Variants in GPR149 observed in about 807,000 individuals in gnomAD.
GPR149 encodes the protein probable G protein-coupled receptor 149.
A neutral mutation model predicts 50.2 loss-of-function variants in GPR149; 50 were observed. The observed-to-expected ratio is 1.00, with a 90% CI of 0.79 to 1.26. GPR149 has a LOEUF of 1.26. Among genes scored for constraint, GPR149 ranks in the 50% most tolerant of loss-of-function variants. GPR149 has a pLI of 0.00. For synonymous variants in GPR149, 405 were observed against 358.2 expected (o/e 1.13, Z -1.48); for missense variants, 983 against 895.4 (o/e 1.10, Z -1.25).
intron 3 of GPR149, among the ~76,000 whole-genome samples, chr3:154,404,328 T>C (rs2108419920): frequency 6.6e-6 from 1 of 152,332 alleles, no homozygotes; most frequent in African/African-American, 2.4e-5. Flanking sequence ...TCAGTTTAAA[T>C]CTTTTGCCCA....
chr3:154,374,458 T>A (rs549401014), intron 3 of GPR149, among the ~76,000 whole-genome samples: 1 of 151,890 alleles, frequency 6.6e-6, no homozygotes, highest in Admixed American at 6.6e-5. Context: ...CAGGCATGAG[T>A]GAACACACTC....
At chr3:154,417,590 A>G (rs1328304687) in intron 3 of GPR149, among the ~76,000 whole-genome samples, 2 of 152,096 alleles carry the variant, frequency 1.3e-5, no homozygotes, top group Non-Finnish European at 2.9e-5. Context: ...AAACTGATAA[A>G]TTGAGCCTAA....
intron 3 of GPR149, among the ~76,000 whole-genome samples, chr3:154,401,244 A>G (rs919724176): frequency 6.6e-6 from 1 of 152,236 alleles, no homozygotes. Flanking sequence ...GGCTTTGCAG[A>G]TAGTGCCACT....
intron 3 of GPR149, among the ~76,000 whole-genome samples, chr3:154,415,153 A>T (rs768125250): frequency 1.3e-5 from 2 of 151,898 alleles, no homozygotes; most frequent in Non-Finnish European, 2.9e-5. Context: ...AGTAACCAAG[A>T]AGAGATTTAA....
At chr3:154,396,792 T>C (rs1715302957) in intron 3 of GPR149, among the ~76,000 whole-genome samples, 1 of 151,930 alleles carries the variant, frequency 6.6e-6, no homozygotes, top group African/African-American at 2.4e-5. Flanking sequence ...GAATCATTTC[T>C]ATCAGACTAT....
At chr3:154,358,958 G>C (rs962951200) in intron 3 of GPR149, among the ~76,000 whole-genome samples, 8 of 152,056 alleles carry the variant, frequency 5.3e-5, no homozygotes, top group African/African-American at 1.9e-4. Flanking sequence ...TATATCTAAA[G>C]AACATGCACC....
intron 2 of GPR149, among the ~76,000 whole-genome samples, chr3:154,422,994 T>C (rs926177403): frequency 9.2e-5 from 14 of 151,834 alleles, no homozygotes; most frequent in African/African-American, 3.1e-4. Flanking sequence ...AATTTTGTGA[T>C]ATAACATGAT....
intron 3 of GPR149, among the ~76,000 whole-genome samples, chr3:154,418,118 C>T (rs960497057): frequency 7.1e-6 from 1 of 141,470 alleles, no homozygotes; most frequent in Admixed American, 7.1e-5. Context: ...CGATGAGATA[C>T]CATCTCACAC....
chr3:154,414,905 G>A (rs147027433), intron 3 of GPR149, among the ~76,000 whole-genome samples: 1 of 152,024 alleles, frequency 6.6e-6, no homozygotes, highest in Non-Finnish European at 1.5e-5. Context: ...TATCATCAGG[G>A]ATTAGATCCA....
intron 3 of GPR149, among the ~76,000 whole-genome samples, chr3:154,339,776 C>G (rs1259748360): frequency 1.6e-5 from 2 of 125,316 alleles, no homozygotes; most frequent in Admixed American, 9.1e-5. Flanking sequence ...TCATGCTCTA[C>G]TTCTTTTTTT....
intron 3 of GPR149, among the ~76,000 whole-genome samples, chr3:154,408,693 A>T (rs74520804): frequency 0.022 from 3,348 of 152,236 alleles, 116 homozygotes; most frequent in African/African-American, 0.075. Flanking sequence ...GCCCAAGGAG[A>T]GGCTGAGCTC....
intron 3 of GPR149, among the ~76,000 whole-genome samples, chr3:154,363,011 G>T (rs1194428793): frequency 3.3e-5 from 5 of 152,120 alleles, no homozygotes; most frequent in African/African-American, 1.2e-4. Flanking sequence ...AGAAGAATCT[G>T]GGTAGAGGGT....
intron 3 of GPR149, among the ~76,000 whole-genome samples, chr3:154,369,585 T>C (rs1714615060): frequency 2.0e-5 from 3 of 152,154 alleles, no homozygotes; most frequent in Non-Finnish European, 4.4e-5. Context: ...GAACGTAAAC[T>C]CCGTGAGCCA....
At chr3:154,384,668 G>A (rs577184726) in intron 3 of GPR149, among the ~76,000 whole-genome samples, 42 of 152,330 alleles carry the variant, frequency 2.8e-4, no homozygotes, top group Non-Finnish European at 5.0e-4. Context: ...CAAAGAGCCT[G>A]CTCACTGTTA....
At position 154,429,156 on chromosome 3, in the gene GPR149, C is replaced by T. The variant is rs749395416; in HGVS notation, c.460G>A (p.Val154Met). 44 of 1,613,664 alleles carry T rather than the reference C, an allele frequency of 2.7e-5. No individual in the cohort carries two copies. The highest frequency in any genetic ancestry group is 1.2e-4 in the Admixed American group (7 of 60,002). ...AGACTGGCTGCCCACACGGTCAGCA[C>T]CACGCCGAGCACCTGGCCCGATCTT... ...SRRSGQVLGV[V>M]LTVWAASLLL... Residue 154 changes from valine to methionine, a missense_variant, in exon 1 of 4, where the codon GTG (valine) becomes ATG (methionine). Physicochemically the swap from Val to Met is conservative, Grantham distance 21. Coordinates refer to ENST00000389740, the MANE Select transcript of GPR149 (RefSeq NM_001038705.3).
At chr3:154,421,974 G>T (rs1375321492) in intron 2 of GPR149, among the ~76,000 whole-genome samples, 1 of 151,160 alleles carries the variant, frequency 6.6e-6, no homozygotes, top group African/African-American at 2.4e-5. Flanking sequence ...AAAATATTTT[G>T]GTATATAATT....
intron 3 of GPR149, among the ~76,000 whole-genome samples, chr3:154,357,369 A>AGAAACT (rs1165798811): frequency 3.3e-5 from 5 of 152,088 alleles, no homozygotes; most frequent in Non-Finnish European, 7.4e-5. Context: ...GCACAGCAAA[A>AGAAACT]GAAACTACCA....
intron 3 of GPR149, among the ~76,000 whole-genome samples, chr3:154,360,698 A>G (rs1347787021): frequency 6.6e-6 from 1 of 152,182 alleles, no homozygotes. Flanking sequence ...GAGATACAAA[A>G]TGATTATCCA....
chr3:154,401,212 CT>C (rs1711545152), intron 3 of GPR149, among the ~76,000 whole-genome samples: 1 of 152,146 alleles, frequency 6.6e-6, no homozygotes, highest in South Asian at 2.1e-4. Context: ...TATTAATTTG[CT>C]TTTTGTGTTG....
Sources: allele counts gnomAD v4.1 joint callset (sites outside exome capture counted in the v4.1 genomes callset), GRCh38; gene constraint gnomAD v4.1.1; transcripts MANE v1.5; gene names NCBI Gene and HGNC (gene_info 2026-07-23, HGNC 2026-07-21).